IFT57: variants seen among roughly 807,000 people sequenced by gnomAD.
IFT57 encodes the protein intraflagellar transport protein 57 homolog.
In IFT57, 59 loss-of-function variants were observed where a neutral mutation model predicts 56.8. The observed-to-expected ratio is 1.04, with a 90% CI of 0.84 to 1.29. The LOEUF (loss-of-function observed/expected upper bound fraction) is 1.29, where lower values mean the gene tolerates loss of function less well. IFT57 is among the 50% of genes most tolerant of loss of function. The pLI is 0.00. For synonymous variants in IFT57, 209 were observed against 186.1 expected (o/e 1.12, Z -1.00); for missense variants, 470 against 522.1 (o/e 0.90, Z 0.97).
At chr3:108,200,245 G>A (rs960312664) in intron 5 of IFT57, among the ~76,000 whole-genome samples, 3 of 152,150 alleles carry the variant, frequency 2.0e-5, no homozygotes, top group African/African-American at 7.2e-5. Flanking sequence ...ATTGAAAGAG[G>A]AAGACCAAAG....
chr3:108,176,526 T>A (rs2080124763), intron 6 of IFT57, among the ~76,000 whole-genome samples: 1 of 151,954 alleles, frequency 6.6e-6, no homozygotes, highest in African/African-American at 2.4e-5. Context: ...AATTCAAAGT[T>A]TGTACATTAA....
At chr3:108,184,509 T>C (rs1441222406) in intron 6 of IFT57, among the ~76,000 whole-genome samples, 1 of 150,232 alleles carries the variant, frequency 6.7e-6, no homozygotes, top group Non-Finnish European at 1.5e-5. Context: ...TTTACTACCA[T>C]AAATATACAA....
chr3:108,196,802 T>C (rs2080246899), intron 5 of IFT57, among the ~76,000 whole-genome samples: 1 of 152,196 alleles, frequency 6.6e-6, no homozygotes, highest in South Asian at 2.1e-4. Context: ...ATACAGTTTC[T>C]TTCTACATCC....
intron 1 of IFT57, among the ~76,000 whole-genome samples, chr3:108,220,532 C>T (rs1159342171): frequency 1.3e-5 from 2 of 152,174 alleles, no homozygotes. Context: ...GCCATGAAGT[C>T]CTTCCAGGTA....
chr3:108,218,806 A>G (rs1048713709), intron 2 of IFT57, among the ~76,000 whole-genome samples, 153 bp from the exon 3 acceptor site: 24 of 152,214 alleles, frequency 1.6e-4, no homozygotes, highest in African/African-American at 5.8e-4. Flanking sequence ...ATCCATTTCA[A>G]GTCTTTGTAA....
chr3:108,171,206 T>G (rs2080090189), intron 6 of IFT57, among the ~76,000 whole-genome samples: 1 of 151,894 alleles, frequency 6.6e-6, no homozygotes, highest in African/African-American at 2.4e-5. Flanking sequence ...ATATTAAAGC[T>G]GCAAAGAGCC....
rs562305107 is a variant in IFT57 at position 108,165,420 on chromosome 3, T to C, written c.1044+11A>G. On this transcript the variant is annotated intron_variant, in intron 9 of 10. Coordinates refer to ENST00000264538, the MANE Select transcript of IFT57 (RefSeq NM_018010.4). ...ACAGGTGAGAAGCAGGGCAAGAGCA[T>C]CAGTGTGTACCTCAGAGAGGAGTCT... is the stretch of plus-strand genomic sequence containing the variant. The C allele has an allele frequency of 1.9e-5, 31 of 1,610,000 alleles. No individual in the cohort carries two copies. The highest frequency in any genetic ancestry group is 3.3e-4 in the Middle Eastern group (2 of 6,036).
At chr3:108,174,954 A>G (rs1001962769) in intron 6 of IFT57, among the ~76,000 whole-genome samples, 3 of 151,820 alleles carry the variant, frequency 2.0e-5, no homozygotes, top group African/African-American at 7.2e-5. Flanking sequence ...AATTAACTAC[A>G]TATATGTATT....
chr3:108,184,953 C>T (rs774367042), intron 6 of IFT57, among the ~76,000 whole-genome samples: 9 of 151,992 alleles, frequency 5.9e-5, no homozygotes, highest in East Asian at 1.9e-4. Context: ...CAAGAAGTAG[C>T]GAAAAGTCCT....
chr3:108,219,865 C>T (rs2080396065), intron 1 of IFT57, among the ~76,000 whole-genome samples: 1 of 152,082 alleles, frequency 6.6e-6, no homozygotes, highest in Admixed American at 6.5e-5. Flanking sequence ...GAATTTTTGC[C>T]AAAATGATTT....
At chr3:108,179,949 C>T (rs1394759909) in intron 6 of IFT57, among the ~76,000 whole-genome samples, 1 of 151,888 alleles carries the variant, frequency 6.6e-6, no homozygotes, top group African/African-American at 2.4e-5. Flanking sequence ...GTATTTGTTG[C>T]AGGCAATGTG....
intron 6 of IFT57, among the ~76,000 whole-genome samples, chr3:108,170,502 C>T (rs1447516923): frequency 6.6e-6 from 1 of 151,612 alleles, no homozygotes; most frequent in Non-Finnish European, 1.5e-5. Context: ...GTAAGAAAGG[C>T]CACAAACAAG....
intron 4 of IFT57, among the ~76,000 whole-genome samples, chr3:108,212,086 G>A (rs1185159857): frequency 6.6e-6 from 1 of 152,096 alleles, no homozygotes; most frequent in East Asian, 1.9e-4. Context: ...GGGCTCAAGC[G>A]ATCTTCCCAC....
chr3:108,209,175 T>C (rs1331796926), intron 4 of IFT57, among the ~76,000 whole-genome samples: 2 of 152,236 alleles, frequency 1.3e-5, no homozygotes, highest in East Asian at 1.9e-4. Context: ...TATGAATATA[T>C]TCGTATGTAT....
In IFT57 at chr3:108,180,156, G is replaced by C. The variant is rs191459039; in HGVS notation, c.777+11365C>G. Among the ~76,000 whole-genome samples the C allele has an allele frequency of 3.3e-5, 5 of 152,108 alleles. No homozygotes were observed. The East Asian group carries it at 9.7e-4, about 29-fold the overall frequency. On this transcript the variant is annotated intron_variant, in intron 6 of 10. Transcript: ENST00000264538. ...TAACCTCTAAATATAATACCTTTTA[G>C]TGAAATAATTACATTTCTAACACGC...
At chr3:108,219,032 A>C (rs2080389722) in intron 2 of IFT57, among the ~76,000 whole-genome samples, 1 of 152,180 alleles carries the variant, frequency 6.6e-6, no homozygotes, top group South Asian at 2.1e-4. Flanking sequence ...GCCCAGGAAA[A>C]GTCAGAAATG....
At chr3:108,218,275 G>A in intron 3 of IFT57, 1 of 228,584 alleles carries the variant, frequency 4.4e-6, no homozygotes, top group South Asian at 1.6e-4. Flanking sequence ...AAGATATGTA[G>A]TCACAGTTAA....
At chr3:108,166,110 A>G (rs1352858113) in intron 8 of IFT57, among the ~76,000 whole-genome samples, 1 of 151,182 alleles carries the variant, frequency 6.6e-6, no homozygotes, top group Non-Finnish European at 1.5e-5. Flanking sequence ...TTAGTCTTTG[A>G]GGACTTCTGA....
chr3:108,197,859 G>A (rs191667646), intron 5 of IFT57, among the ~76,000 whole-genome samples: 4 of 152,140 alleles, frequency 2.6e-5, no homozygotes, highest in East Asian at 1.9e-4. Flanking sequence ...TCTAAATCTC[G>A]GAGTACCCAT....
Sources: gnomAD v4.1 joint callset for allele counts (sites outside exome capture counted in the v4.1 genomes callset) on GRCh38, gnomAD v4.1.1 for gene constraint, MANE v1.5 for transcripts, NCBI Gene and HGNC (gene_info 2026-07-23, HGNC 2026-07-21) for gene names.